IFFO2: variants seen among roughly 807,000 people sequenced by gnomAD.
IFFO2 encodes the protein intermediate filament family orphan 2.
Under a neutral mutation model 53.5 loss-of-function variants are expected in IFFO2, and 19 were observed. That is an observed-to-expected ratio of 0.36 (90% CI 0.25 to 0.52). The LOEUF is 0.52. Among genes scored for constraint, IFFO2 ranks in the 20% least tolerant of loss-of-function variants. The pLI is 0.94. For missense variants in IFFO2, 570 were observed against 727.4 expected (o/e 0.78, Z 2.49); for synonymous variants, 303 against 313.6 (o/e 0.97, Z 0.36).
chr1:18,935,699 T>TC (rs1391573746), intron 1 of IFFO2, among the ~76,000 whole-genome samples: 1 of 111,402 alleles, frequency 9.0e-6, no homozygotes, highest in Non-Finnish European at 1.7e-5. Context: ...TCTCCTTCTG[T>TC]CTTTTTTTTT....
intron 1 of IFFO2, among the ~76,000 whole-genome samples, chr1:18,933,000 C>A (rs1347378619): frequency 6.6e-6 from 1 of 152,272 alleles, no homozygotes; most frequent in African/African-American, 2.4e-5. Context: ...CCAACTCAGG[C>A]TGGCTGCCGG....
chr1:18,926,450 AAG>A (rs898327280), intron 1 of IFFO2, among the ~76,000 whole-genome samples: 3 of 152,176 alleles, frequency 2.0e-5, no homozygotes, highest in African/African-American at 7.2e-5. Context: ...TGTCAGAACA[AAG>A]AGTGCAGGGA....
intron 1 of IFFO2, among the ~76,000 whole-genome samples, chr1:18,946,591 A>AT (rs1022427280): frequency 1.1e-4 from 17 of 150,120 alleles, no homozygotes; most frequent in East Asian, 5.9e-4. Context: ...ATTTTTTTGT[A>AT]TTTTTTTTGT....
Position 18,917,927 on chromosome 1 carries a change from C to G in IFFO2, c.963+435G>C, listed in dbSNP as rs79392692. ...CTTCTGAACTCTGAGGCCCCTCTAC[C>G]AGAGCTCAGGCCAGCTCCCCCACTT... is the stretch of plus-strand genomic sequence containing the variant. On this transcript the variant is annotated intron_variant, in intron 4 of 8. Coordinates refer to ENST00000455833, the MANE Select transcript of IFFO2 (RefSeq NM_001136265.2). This position sits in a 1 kb window ranked among gnomAD's most constrained non-coding sequence, Gnocchi z 5.9. 0.014 allele frequency among the ~76,000 whole-genome samples: 2,060 copies of G among 152,314 alleles called. 45 individuals carry two copies. The highest frequency in any genetic ancestry group is 0.11 in the East Asian group (582 of 5,174).
intron 1 of IFFO2, among the ~76,000 whole-genome samples, chr1:18,935,694 TTCTG>T (rs1447824413): frequency 1.6e-5 from 2 of 125,464 alleles, no homozygotes; most frequent in African/African-American, 3.9e-5. Context: ...CTCTCTCTCC[TTCTG>T]TCTTTTTTTT....
Position 18,928,624 on chromosome 1 carries a change from G to A in IFFO2, c.666-7503C>T, listed in dbSNP as rs1936333985. On this transcript the variant is annotated intron_variant, in intron 1 of 8. Coordinates refer to ENST00000455833, the MANE Select transcript of IFFO2 (RefSeq NM_001136265.2). The surrounding 1 kb of genome is among the most constrained non-coding windows in gnomAD (Gnocchi z 4.9). ...CAGGTCTGCGCAAGGCTGCTCAGGG[G>A]AGAGGCAGAGGGGTCTGACATCCAT... 6.6e-6 allele frequency among the ~76,000 whole-genome samples: 1 copy of A among 152,226 alleles called. No individual in the cohort carries two copies. The highest frequency in any genetic ancestry group is 2.4e-5 in the African/African-American group (1 of 41,466).
At chr1:18,945,707 T>C (rs1477876292) in intron 1 of IFFO2, among the ~76,000 whole-genome samples, 2 of 152,226 alleles carry the variant, frequency 1.3e-5, no homozygotes, top group Non-Finnish European at 2.9e-5. Context: ...CACAGCCACA[T>C]GGAGGGGCTT....
chr1:18,944,863 CAAGA>C (rs1936566363), intron 1 of IFFO2, among the ~76,000 whole-genome samples: 1 of 151,994 alleles, frequency 6.6e-6, no homozygotes, highest in Admixed American at 6.6e-5. Flanking sequence ...GAGATCAAAA[CAAGA>C]AAGAAAGGAA....
chr1:18,913,127 G>A (rs1936065218), intron 5 of IFFO2, among the ~76,000 whole-genome samples: 1 of 152,236 alleles, frequency 6.6e-6, no homozygotes, highest in African/African-American at 2.4e-5. Flanking sequence ...ATCCTCCAGA[G>A]CAACAATGAG....
chr1:18,926,980 G>T (rs1936308478), intron 1 of IFFO2, among the ~76,000 whole-genome samples: 1 of 152,182 alleles, frequency 6.6e-6, no homozygotes, highest in African/African-American at 2.4e-5. Context: ...CAAGACACCA[G>T]GGCAGCAAGA....
rs758437043 is a variant in IFFO2 at position 18,956,071 on chromosome 1, G to C, written c.262C>G (p.Gln88Glu). Residue 88 changes from glutamine (Q) to glutamate (E), a missense_variant, in exon 1 of 9, where the codon CAG becomes GAG. Coordinates refer to ENST00000455833, the MANE Select transcript of IFFO2 (RefSeq NM_001136265.2). This position sits in a 1 kb window ranked among gnomAD's most constrained non-coding sequence, Gnocchi z 6.4. ...NRLLEKQLEQ[Q>E]QSERERRLRY... ...AGCCGCCGCTCGCGCTCGCTCTGCT[G>C]CTGCTCCAGCTGCTTCTCCAGCAGC... 1.3e-6 allele frequency: 2 copies of C among 1,488,326 alleles called. No homozygotes were observed. Among genetic ancestry groups the C allele is most frequent in the South Asian group, 1.2e-5 (1 of 81,388 alleles). The allele number at this position is 1,488,326 out of a possible 1,614,324, so 92.2% of individuals were successfully genotyped here.
intron 1 of IFFO2, among the ~76,000 whole-genome samples, chr1:18,922,791 G>A (rs903461566): frequency 2.6e-5 from 4 of 152,106 alleles, no homozygotes; most frequent in African/African-American, 9.7e-5. Context: ...GTACAGATGG[G>A]GCAACTGAAG....
chr1:18,917,662 T>C lies in IFFO2; in HGVS notation c.964-620A>G, dbSNP rs923200680. Among the ~76,000 whole-genome samples the C allele has an allele frequency of 2.0e-5, 3 of 151,990 alleles. No homozygotes were observed. Among genetic ancestry groups the C allele is most frequent in the Non-Finnish European group, 4.4e-5 (3 of 67,972 alleles). Reference sequence around the variant, plus strand: ...ACACACACAGAGCGACAACACACCGTATTGCCCTGGGCTCAAGCAAAAGCC... The same window carrying C: ...ACACACACAGAGCGACAACACACCGCATTGCCCTGGGCTCAAGCAAAAGCC... On this transcript the variant is annotated intron_variant, in intron 4 of 8. Coordinates refer to ENST00000455833, the MANE Select transcript of IFFO2 (RefSeq NM_001136265.2). This position sits in a 1 kb window ranked among gnomAD's most constrained non-coding sequence, Gnocchi z 5.9.
intron 1 of IFFO2, among the ~76,000 whole-genome samples, chr1:18,943,204 C>T (rs1936542713): frequency 6.6e-6 from 1 of 151,912 alleles, no homozygotes. Context: ...CCTATCTCAA[C>T]AAAAATTATT....
chr1:18,942,486 A>G (rs1434422627), intron 1 of IFFO2, among the ~76,000 whole-genome samples: 1 of 152,152 alleles, frequency 6.6e-6, no homozygotes, highest in Non-Finnish European at 1.5e-5. Context: ...GCAACATCAA[A>G]TCCTCGCAAC....
intron 1 of IFFO2, among the ~76,000 whole-genome samples, chr1:18,953,692 C>T (rs1030940355): frequency 4.6e-5 from 7 of 152,106 alleles, no homozygotes; most frequent in South Asian, 2.1e-4. Context: ...AAGGTGTGCA[C>T]GCATCCCAGA....
At chr1:18,940,824 A>G (rs1308903523) in intron 1 of IFFO2, among the ~76,000 whole-genome samples, 1 of 152,202 alleles carries the variant, frequency 6.6e-6, no homozygotes, top group Non-Finnish European at 1.5e-5. Flanking sequence ...TGCAGATACA[A>G]ATACGCAACA....
intron 5 of IFFO2, among the ~76,000 whole-genome samples, chr1:18,913,950 G>GCCT (rs879619732): frequency 0.014 from 2,154 of 152,254 alleles, 42 homozygotes; most frequent in African/African-American, 0.04. Context: ...TCCTGCCTCA[G>GCCT]CCTCCTGCGT....
At chr1:18,952,109 A>G (rs1936666288) in intron 1 of IFFO2, among the ~76,000 whole-genome samples, 1 of 152,246 alleles carries the variant, frequency 6.6e-6, no homozygotes, top group African/African-American at 2.4e-5. Context: ...TGTTGAGTTC[A>G]GATAAACTCA....
Sources: allele counts gnomAD v4.1 joint callset (sites outside exome capture counted in the v4.1 genomes callset), GRCh38; gene constraint gnomAD v4.1.1; non-coding constraint Gnocchi (gnomAD v3.1); transcripts MANE v1.5; gene names NCBI Gene and HGNC (gene_info 2026-07-23, HGNC 2026-07-21).